CMSS1: variants seen among roughly 807,000 people sequenced by gnomAD.
CMSS1 encodes the protein cms1 ribosomal small subunit homolog.
Under a neutral mutation model 43.5 loss-of-function variants are expected in CMSS1, and 33 were observed. The ratio of observed to expected loss-of-function variants is 0.76; its 90% confidence interval spans 0.57 to 1.01. The LOEUF is 1.01. Ranked by LOEUF, CMSS1 falls within the 50% of genes least tolerant of loss-of-function variation. The pLI is 0.00. For missense variants in CMSS1, 313 were observed against 326.4 expected, an observed-to-expected ratio of 0.96 and a Z score of 0.32; for synonymous variants, 115 against 117.2, an observed-to-expected ratio of 0.98 and a Z score of 0.12.
At chr3:99,884,689 GAAGA>G (rs1393114489) in intron 1 of CMSS1, among the ~76,000 whole-genome samples, 1 of 152,198 alleles carries the variant, frequency 6.6e-6, no homozygotes, top group Non-Finnish European at 1.5e-5. Flanking sequence ...GAATTCAGCA[GAAGA>G]AAGAGATAAC....
chr3:100,155,991 A>G (rs1453308845), intron 2 of CMSS1, among the ~76,000 whole-genome samples: 1 of 152,080 alleles, frequency 6.6e-6, no homozygotes, highest in Non-Finnish European at 1.5e-5. Context: ...GGTATTTTTC[A>G]TATTCATAGT....
intron 1 of CMSS1, among the ~76,000 whole-genome samples, chr3:100,130,871 G>A (rs2066700802): frequency 6.6e-6 from 1 of 152,184 alleles, no homozygotes; most frequent in African/African-American, 2.4e-5. Flanking sequence ...GGATAGTGGA[G>A]GACATCCTGG....
chr3:100,167,998 A>T (rs767770928), intron 6 of CMSS1, among the ~76,000 whole-genome samples, 158 bp downstream of exon 6: 4 of 152,228 alleles, frequency 2.6e-5, no homozygotes, highest in African/African-American at 9.6e-5. Context: ...ATAATAAACA[A>T]ATGAAGATAC....
chr3:100,024,948 T>C (rs2064891392), intron 1 of CMSS1, among the ~76,000 whole-genome samples: 1 of 152,174 alleles, frequency 6.6e-6, no homozygotes, highest in Non-Finnish European at 1.5e-5. Context: ...GTCTGACTGC[T>C]GCCAAAGGTA....
chr3:99,868,914 T>A (rs1944647611), intron 1 of CMSS1, among the ~76,000 whole-genome samples: 1 of 152,210 alleles, frequency 6.6e-6, no homozygotes, highest in Non-Finnish European at 1.5e-5. Context: ...CTAATTTGTT[T>A]TAGTATATTA....
intron 1 of CMSS1, among the ~76,000 whole-genome samples, chr3:99,950,449 C>T (rs920434016): frequency 6.6e-6 from 1 of 152,122 alleles, no homozygotes; most frequent in African/African-American, 2.4e-5. Context: ...GTGGCAGGGC[C>T]ATGATGCACA....
chr3:99,993,845 T>C (rs1309707595), intron 1 of CMSS1, among the ~76,000 whole-genome samples: 1 of 152,178 alleles, frequency 6.6e-6, no homozygotes, highest in Non-Finnish European at 1.5e-5. Context: ...TGATATATTA[T>C]CTTTCTGATG....
intron 1 of CMSS1, among the ~76,000 whole-genome samples, chr3:99,925,154 A>G (rs1192174906): frequency 6.6e-6 from 1 of 152,216 alleles, no homozygotes; most frequent in East Asian, 1.9e-4. Context: ...CTACCAGGAC[A>G]TGCTATGATT....
At chr3:100,176,519 T>C (rs930593502) in intron 9 of CMSS1, 104 bp downstream of exon 9, 1 of 705,292 alleles carries the variant, frequency 1.4e-6, no homozygotes. Flanking sequence ...ACATGTTAGA[T>C]TTTGAAATGA....
intron 2 of CMSS1, among the ~76,000 whole-genome samples, chr3:100,151,968 C>T (rs2066913528): frequency 6.6e-6 from 1 of 152,162 alleles, no homozygotes; most frequent in African/African-American, 2.4e-5. Flanking sequence ...GACAAGTTAC[C>T]TCTCCCACAT....
intron 1 of CMSS1, among the ~76,000 whole-genome samples, chr3:99,841,397 G>T (rs555791124): frequency 1.3e-5 from 2 of 152,224 alleles, no homozygotes; most frequent in Admixed American, 6.5e-5. Flanking sequence ...GCCTTTTGCC[G>T]GAACAGCAGA....
intron 1 of CMSS1, among the ~76,000 whole-genome samples, chr3:99,928,581 A>G (rs74446483): frequency 2.0e-4 from 30 of 152,306 alleles, no homozygotes; most frequent in African/African-American, 7.0e-4. Context: ...CATGTGCACA[A>G]TAGAATTATT....
intron 1 of CMSS1, among the ~76,000 whole-genome samples, chr3:100,109,205 G>T (rs985868443): frequency 1.3e-5 from 2 of 151,450 alleles, no homozygotes; most frequent in Non-Finnish European, 2.9e-5. Flanking sequence ...TTTCTTTTGT[G>T]TGTTTTAATA....
In CMSS1 at chr3:99,817,900, G is replaced by T. The variant is rs1298968494; in HGVS notation, c.-80G>T. 3 of 1,484,904 alleles carry T rather than the reference G, an allele frequency of 2.0e-6. No homozygotes were observed. Among genetic ancestry groups the T allele is most frequent in the African/African-American group, 2.8e-5 (2 of 72,342 alleles). 92.0% of individuals were successfully genotyped at this position (1,484,904 alleles called of 1,614,324 possible). ...AGCTCCGCGTGTAGCTACGCCGGCC[G>T]CCTGGCTTTGAGACAACGTGATTCT... On this transcript the variant is annotated 5_prime_UTR_variant, in exon 1 of 10. Transcript: ENST00000421999.
intron 1 of CMSS1, among the ~76,000 whole-genome samples, chr3:99,820,739 T>C (rs879752115): frequency 1.3e-5 from 2 of 152,232 alleles, no homozygotes. Context: ...AAGGCTTACT[T>C]ACCTGGCTGC....
In CMSS1 at chr3:100,090,969, AT is replaced by A. The variant is rs531464913; in HGVS notation, c.65-56001del. On this transcript the variant is annotated intron_variant, in intron 1 of 9. Transcript: ENST00000421999. ...TTACAAGTAATTTTAACCCAAGGTC[AT>A]TTGGAAAATGTCATTCCTGAAACCC... 4.1e-3 allele frequency among the ~76,000 whole-genome samples: 620 copies of A among 152,322 alleles called. 7 individuals are homozygous for A. The highest frequency in any genetic ancestry group is 0.015 in the African/African-American group (607 of 41,576).
intron 1 of CMSS1, among the ~76,000 whole-genome samples, chr3:99,855,683 C>T (rs1373923124): frequency 6.6e-6 from 1 of 152,182 alleles, no homozygotes; most frequent in Admixed American, 6.5e-5. Flanking sequence ...TCTTACTTAA[C>T]ATTGCATTTG....
intron 1 of CMSS1, among the ~76,000 whole-genome samples, chr3:99,910,870 A>G (rs1706765721): frequency 6.6e-6 from 1 of 151,890 alleles, no homozygotes; most frequent in South Asian, 2.1e-4. Flanking sequence ...CCAAACTCAA[A>G]CAATGGCCAA....
At chr3:100,090,565 C>G (rs1025953370) in intron 1 of CMSS1, among the ~76,000 whole-genome samples, 3 of 152,182 alleles carry the variant, frequency 2.0e-5, no homozygotes, top group African/African-American at 7.2e-5. Flanking sequence ...TTCTGCAATC[C>G]CCTGCCTGGG....
Sources: allele counts gnomAD v4.1 joint callset (sites outside exome capture counted in the v4.1 genomes callset), GRCh38; gene constraint gnomAD v4.1.1; transcripts MANE v1.5; gene names NCBI Gene and HGNC (gene_info 2026-07-23, HGNC 2026-07-21).